Variants in DYNC1H1 observed in about 807,000 individuals in gnomAD.
DYNC1H1 encodes the protein dynein cytoplasmic 1 heavy chain 1, also known as cytoplasmic dynein 1 heavy chain 1.
In DYNC1H1, 51 loss-of-function variants were observed where a neutral mutation model predicts 527.1. That is an observed-to-expected ratio of 0.10 (90% CI 0.08 to 0.12). DYNC1H1 has a LOEUF of 0.12. Among genes scored for constraint, DYNC1H1 ranks in the 10% least tolerant of loss-of-function variants. The probability of loss-of-function intolerance (pLI) is 1.00; values close to 1 mark genes in which losing one functional copy is unlikely to be tolerated. For missense variants in DYNC1H1, 2,771 were observed against 5,971.8 expected (o/e 0.46, Z 17.66); for synonymous variants, 2,189 against 2,278.8 (o/e 0.96, Z 1.12).
At position 102,044,396 on chromosome 14, in the gene DYNC1H1, G is replaced by A. The variant is rs956656785; in HGVS notation, c.12807G>A (p.Leu4269=). 2.5e-6 allele frequency: 4 copies of A among 1,614,162 alleles called. No individual in the cohort carries two copies. Among genetic ancestry groups the A allele is most frequent in the Non-Finnish European group, 3.4e-6 (4 of 1,180,044 alleles). ...ACCAGCGTCTGCTCAACACCTTCCTGGAGCGCCTGTTCACAACCAGGAGTT... is the reference window on the plus strand; with the variant it reads ...ACCAGCGTCTGCTCAACACCTTCCTAGAGCGCCTGTTCACAACCAGGAGTT... ...EFDQRLLNTF[L]ERLFTTRSFD... The change falls in exon 71 of 78, where the codon CTG becomes CTA. Residue 4269 remains leucine, a synonymous_variant. Transcript: ENST00000360184. The surrounding 1 kb of genome is among the most constrained non-coding windows in gnomAD (Gnocchi z 7.1).
At chr14:101,975,421 G>T (rs1416739590) in intron 1 of DYNC1H1, among the ~76,000 whole-genome samples, 1 of 152,206 alleles carries the variant, frequency 6.6e-6, no homozygotes, top group Non-Finnish European at 1.5e-5. Context: ...GGCTAGCACT[G>T]CCCACCGCCA....
At position 102,012,266 on chromosome 14, in the gene DYNC1H1, T is replaced by C. The variant is rs752552417; in HGVS notation, c.6858-48T>C. Reference sequence around the variant, plus strand: ...CATCATCGGTAAACATGCCTAATGTTAAAATCTTGATTTAATCAGCAGCTA... The same window carrying C: ...CATCATCGGTAAACATGCCTAATGTCAAAATCTTGATTTAATCAGCAGCTA... On this transcript the variant is annotated intron_variant, in intron 33 of 77. Transcript: ENST00000360184. This position sits in a 1 kb window ranked among gnomAD's most constrained non-coding sequence, Gnocchi z 4.9. The C allele has an allele frequency of 6.2e-7, 1 of 1,614,156 alleles. No homozygotes were observed. The highest frequency in any genetic ancestry group is 8.5e-7 in the Non-Finnish European group (1 of 1,180,008).
chr14:102,017,519 T>C lies in DYNC1H1; in HGVS notation c.8177+15T>C. 1.2e-6 allele frequency: 2 copies of C among 1,613,100 alleles called. No individual in the cohort carries two copies. ...CTCTCACACAGGTAAAACAGCTCGG[T>C]AGACTGCTCTGCTTCACACACGCAC... On this transcript the variant is annotated intron_variant, in intron 40 of 77. Coordinates refer to ENST00000360184, the MANE Select transcript of DYNC1H1 (RefSeq NM_001376.5). This position sits in a 1 kb window ranked among gnomAD's most constrained non-coding sequence, Gnocchi z 4.6.
At chr14:101,991,701 G>A (rs201025090) in intron 11 of DYNC1H1, 28 bp downstream of exon 11, 89 of 1,613,924 alleles carry the variant, frequency 5.5e-5, no homozygotes, top group East Asian at 2.7e-4. Flanking sequence ...CGAGGCACAC[G>A]CCTCTGACCA....
rs963092018 is a variant in DYNC1H1 at position 102,019,869 on chromosome 14, C to T, written c.8344-24C>T. On this transcript the variant is annotated intron_variant, in intron 41 of 77. Coordinates refer to ENST00000360184, the MANE Select transcript of DYNC1H1 (RefSeq NM_001376.5). ...TGTGTCTTAAGATATTTACGTGTAC[C>T]TTCCATTTTTCTCATTGCCATAGGA... 7.4e-6 allele frequency: 12 copies of T among 1,613,862 alleles called. No homozygotes were observed. In the African/African-American group the frequency reaches 1.2e-4, roughly 16 times the overall value.
intron 43 of DYNC1H1, chr14:102,023,225 G>A (rs773101229): frequency 8.3e-6 from 3 of 362,008 alleles, no homozygotes; most frequent in Non-Finnish European, 1.6e-5. Context: ...CTGGGTAAAA[G>A]AGCAAAACCC....
chr14:102,049,625 C>T lies in DYNC1H1; in HGVS notation c.13515+43C>T, dbSNP rs1328061733. The T allele has an allele frequency of 3.1e-6, 5 of 1,613,070 alleles. No homozygotes were observed. The highest frequency in any genetic ancestry group is 4.2e-6 in the Non-Finnish European group (5 of 1,180,016). Reference sequence around the variant, plus strand: ...GAGTCTCGGGTGGTCAGCAGCTGTCCTGGGCTGGGGTGGGAGTGGCTCTGG... The same window carrying T: ...GAGTCTCGGGTGGTCAGCAGCTGTCTTGGGCTGGGGTGGGAGTGGCTCTGG... On this transcript the variant is annotated intron_variant, in intron 75 of 77. Transcript: ENST00000360184. The surrounding 1 kb of genome is among the most constrained non-coding windows in gnomAD (Gnocchi z 5.5).
At position 101,986,808 on chromosome 14, in the gene DYNC1H1, CA is replaced by C. The variant is rs1555408382; in HGVS notation, c.2538+46del. The C allele has an allele frequency of 6.2e-7, 1 of 1,604,570 alleles. No homozygotes were observed. Among genetic ancestry groups the C allele is most frequent in the African/African-American group, 1.3e-5 (1 of 74,826 alleles). On this transcript the variant is annotated intron_variant, in intron 8 of 77. Coordinates refer to ENST00000360184, the MANE Select transcript of DYNC1H1 (RefSeq NM_001376.5). The surrounding 1 kb of genome is among the most constrained non-coding windows in gnomAD (Gnocchi z 8.7). ...TCAGGTGTCCTGGTAACGAATGAAG[CA>C]CAGTAATAGCGAGCTCAGTTAAAAC...
At chr14:102,043,283 CAA>C (rs10673572) in intron 69 of DYNC1H1, 1,153 of 117,600 alleles carry the variant, frequency 9.8e-3, no homozygotes, top group South Asian at 0.029. Context: ...GACCCCGTCT[CAA>C]AAAAAAAAAA....
chr14:101,991,978 A>T (rs998019456), intron 11 of DYNC1H1, among the ~76,000 whole-genome samples: 3 of 140,986 alleles, frequency 2.1e-5, no homozygotes, highest in African/African-American at 7.8e-5. Flanking sequence ...ATTTTAAAAC[A>T]TACACAAAAG....
Position 102,036,747 on chromosome 14 carries a change from A to G in DYNC1H1, c.10908+105A>G, listed in dbSNP as rs1567020388. 4.2e-6 allele frequency: 6 copies of G among 1,426,904 alleles called. No individual in the cohort carries two copies. The South Asian group carries it at 5.8e-5, about 14-fold the overall frequency. The allele number at this position is 1,426,904 out of a possible 1,614,324, so 88.4% of individuals were successfully genotyped here. On this transcript the variant is annotated intron_variant, in intron 57 of 77. Coordinates refer to ENST00000360184, the MANE Select transcript of DYNC1H1 (RefSeq NM_001376.5). This position sits in a 1 kb window ranked among gnomAD's most constrained non-coding sequence, Gnocchi z 5.6. ...TTTGTAAGACTTCATTTTGTATCAG[A>G]AGGATAAAGCTTTGCGGTGGTTCTG... is the stretch of plus-strand genomic sequence containing the variant.
Position 102,005,371 on chromosome 14 carries a change from T to A in DYNC1H1, c.5433+135T>A, listed in dbSNP as rs1342537967. 1.6e-6 allele frequency: 2 copies of A among 1,250,816 alleles called. No homozygotes were observed. Among genetic ancestry groups the A allele is most frequent in the East Asian group, 4.6e-5 (2 of 43,180 alleles). 77.5% of individuals were successfully genotyped at this position (1,250,816 alleles called of 1,614,324 possible). A position where few individuals can be genotyped will look rare whatever the true frequency, so the allele number is the denominator to read the frequency against. On this transcript the variant is annotated intron_variant, in intron 26 of 77. Transcript: ENST00000360184. The surrounding 1 kb of genome is among the most constrained non-coding windows in gnomAD (Gnocchi z 4.0). ...CAGTGGATGGTGTATGGATATCCTC[T>A]GAGGGTGGGCATTTGGCTCCCTGTC...
In DYNC1H1 at chr14:102,042,376, G is replaced by T. The variant is rs757697454; in HGVS notation, c.12276-8G>T. The stretch of plus-strand genomic sequence containing the variant: ...GCATGCTGTGTGACTCTCACTTTGT[G>T]TGTGCAGGTGGGTGATGCTGAAGAA... On this transcript the variant is annotated splice_region_variant and splice_polypyrimidine_tract_variant and intron_variant, in intron 67 of 77. Transcript: ENST00000360184. This position sits in a 1 kb window ranked among gnomAD's most constrained non-coding sequence, Gnocchi z 5.7. 1 of 1,614,194 alleles carries T rather than the reference G, an allele frequency of 6.2e-7. No individual in the cohort carries two copies.
At chr14:102,040,150 T>C in intron 62 of DYNC1H1, 86 bp from the exon 63 acceptor site, 2 of 1,577,326 alleles carry the variant, frequency 1.3e-6, no homozygotes, top group Non-Finnish European at 8.7e-7. Context: ...CGGCCTGTTT[T>C]CTCTTTTCTT....
rs2048654428 is a variant in DYNC1H1 at position 102,041,817 on chromosome 14, GCT to G, written c.12102+87_12102+88del. ...ACAGGTGGCAGCAGCCCTGGCATCTGCTCTCACTCCGGGCTACAGTCTCCTCC... is the reference window on the plus strand; with the variant it reads ...ACAGGTGGCAGCAGCCCTGGCATCTGCTCACTCCGGGCTACAGTCTCCTCC... On this transcript the variant is annotated intron_variant, in intron 65 of 77. Transcript: ENST00000360184. This position sits in a 1 kb window ranked among gnomAD's most constrained non-coding sequence, Gnocchi z 4.5. 2 of 1,602,528 alleles carry G rather than the reference GCT, an allele frequency of 1.2e-6. No homozygotes were observed. Among genetic ancestry groups the G allele is most frequent in the Non-Finnish European group, 8.5e-7 (1 of 1,174,292 alleles).
chr14:101,983,330 G>A lies in DYNC1H1; in HGVS notation c.1233+40G>A, dbSNP rs1277486363. The A allele has an allele frequency of 1.2e-6, 2 of 1,613,874 alleles. No homozygotes were observed. The highest frequency in any genetic ancestry group is 1.7e-6 in the Non-Finnish European group (2 of 1,179,892). On this transcript the variant is annotated intron_variant, in intron 6 of 77. Coordinates refer to ENST00000360184, the MANE Select transcript of DYNC1H1 (RefSeq NM_001376.5). The surrounding 1 kb of genome is among the most constrained non-coding windows in gnomAD (Gnocchi z 5.3). The stretch of plus-strand genomic sequence containing the variant: ...ATAAGACAACCAACCTCAAGACATT[G>A]AGATGAAAATATGTCTTAATAATAA...
chr14:102,014,489 C>T (rs2048296566), intron 34 of DYNC1H1, among the ~76,000 whole-genome samples: 1 of 149,064 alleles, frequency 6.7e-6, no homozygotes. Flanking sequence ...GAGATCACGC[C>T]ATTGCATTCG....
intron 15 of DYNC1H1, among the ~76,000 whole-genome samples, chr14:101,996,078 A>G (rs1015776079): frequency 1.3e-5 from 2 of 151,808 alleles, no homozygotes; most frequent in Admixed American, 6.6e-5. Flanking sequence ...AACTAAATAA[A>G]TAATGAAAAA....
chr14:102,010,458 A>C lies in DYNC1H1; in HGVS notation c.6404A>C (p.Glu2135Ala). Residue 2135 changes from glutamate to alanine, a missense_variant and splice_region_variant, in exon 31 of 78, where the codon GAG becomes GCG. Glu to Ala is a moderately radical substitution (Grantham distance 107). This residue lies in a region of DYNC1H1 where 56 missense variants were observed against 140.6 expected (regional missense o/e 0.40). Transcript: ENST00000360184. The surrounding 1 kb of genome is among the most constrained non-coding windows in gnomAD (Gnocchi z 6.0). ...ATTGCTGAAAATCTCCCTGAACAAG[A>C]GGTTCGTTACAAACGTTTTGATCAC... ...GEIAENLPEQ[E>A]ILIQSVCETM... 1 of 1,613,996 alleles carries C rather than the reference A, an allele frequency of 6.2e-7. No individual in the cohort carries two copies. Among genetic ancestry groups the C allele is most frequent in the Non-Finnish European group, 8.5e-7 (1 of 1,179,892 alleles).
Sources: gnomAD v4.1 joint callset for allele counts (sites outside exome capture counted in the v4.1 genomes callset) on GRCh38, gnomAD v4.1.1 for gene constraint, gnomAD v4.1.1 regional missense constraint, Gnocchi (gnomAD v3.1) non-coding constraint, MANE v1.5 for transcripts, NCBI Gene and HGNC (gene_info 2026-07-23, HGNC 2026-07-21) for gene names.